Variants in PSG5 observed in about 807,000 individuals in gnomAD.
The protein encoded by PSG5 is pregnancy-specific beta-1-glycoprotein 5.
PSG5 carries 53 observed loss-of-function variants against 37.7 expected under a neutral mutation model. The ratio of observed to expected loss-of-function variants is 1.41; its 90% CI spans 1.13 to 1.77. The LOEUF (loss-of-function observed/expected upper bound fraction) is 1.77, where lower values mean the gene tolerates loss of function less well. Ranked by LOEUF, PSG5 falls within the 40% of genes most tolerant of loss-of-function variation. The pLI is 0.00. For missense variants in PSG5, 547 were observed against 405.2 expected (o/e 1.35, Z -3.00); for synonymous variants, 221 against 155.4 (o/e 1.42, Z -3.14).
chr19:43,172,235 A>C lies in PSG5; in HGVS notation c.965-2097T>G, dbSNP rs1000699945. ...ATGAAAACATCCTAAGAATAGAAGG[A>C]AACCACCTCAACATAAAGGCAATAT... On this transcript the variant is annotated intron_variant, in intron 4 of 5. Transcript: ENST00000342951. Among the ~76,000 whole-genome samples, 6 of 151,602 alleles carry C rather than the reference A, an allele frequency of 4.0e-5. 1 individual carries two copies. Among genetic ancestry groups the C allele is most frequent in the African/African-American group, 1.5e-4 (6 of 41,142 alleles).
At chr19:43,180,963 C>T (rs1225889655) in intron 2 of PSG5, among the ~76,000 whole-genome samples, 1 of 151,620 alleles carries the variant, frequency 6.6e-6, no homozygotes, top group Non-Finnish European at 1.5e-5. Context: ...ATGGGGAGGA[C>T]CCCAAAACAG....
chr19:43,183,179 C>G, intron 2 of PSG5: 1 of 267,240 alleles, frequency 3.7e-6, no homozygotes. Flanking sequence ...CCAGCTGCCC[C>G]CAGTTCCACA....
chr19:43,179,054 G>A (rs1969071843), intron 2 of PSG5: 2 of 1,612,604 alleles, frequency 1.2e-6, no homozygotes, highest in South Asian at 2.2e-5. Flanking sequence ...TCCACCACAG[G>A]TAGCTTGTGT....
Position 43,175,640 on chromosome 19 carries a change from T to G in PSG5, c.710-171A>C, listed in dbSNP as rs1441368352. On this transcript the variant is annotated intron_variant, in intron 3 of 5. Transcript: ENST00000342951. ...CTGAGGTATTCACCTGTTTCTCCCA[T>G]CACAAGCTATTGACACAAAGTCTCC... The G allele has an allele frequency of 2.2e-6, 3 of 1,393,820 alleles. No individual in the cohort carries two copies. In the South Asian group the frequency reaches 4.3e-5, roughly 20 times the overall value. The allele number at this position is 1,393,820 out of a possible 1,614,324, so 86.3% of individuals were successfully genotyped here. A position where few individuals can be genotyped will look rare whatever the true frequency, so the allele number is the denominator to read the frequency against.
At position 43,183,556 on chromosome 19, in the gene PSG5, T is replaced by C. The variant is rs1033821279; in HGVS notation, c.430+1226A>G. 34 of 497,646 alleles carry C rather than the reference T, an allele frequency of 6.8e-5. 1 individual carries two copies. The highest frequency in any genetic ancestry group is 6.4e-4 in the African/African-American group (32 of 49,852). The allele number at this position is 497,646 out of a possible 1,614,324, so 30.8% of individuals were successfully genotyped here. On this transcript the variant is annotated intron_variant, in intron 2 of 5. Transcript: ENST00000342951. ...ACTTTGGGAAACACAGGATTTCAGG[T>C]TCAGTGATGGGGGTTAAGATCTGAG...
chr19:43,179,575 G>T (rs148848674), intron 2 of PSG5, among the ~76,000 whole-genome samples: 4,787 of 151,690 alleles, frequency 0.032, 293 homozygotes, highest in African/African-American at 0.094. Flanking sequence ...AGCTTCCCTT[G>T]CCAAGGACAT....
intron 2 of PSG5, 76 bp downstream of exon 2, chr19:43,184,706 G>A (rs1413109896): frequency 1.2e-6 from 2 of 1,601,750 alleles, no homozygotes; most frequent in Admixed American, 1.7e-5. Flanking sequence ...CACAGTGCAG[G>A]CCTGACAATC....
chr19:43,175,143 C>T, intron 4 of PSG5, 72 bp downstream of exon 4: 1 of 1,610,328 alleles, frequency 6.2e-7, no homozygotes, highest in Non-Finnish European at 8.5e-7. Context: ...AAAATGTTTT[C>T]CTAACTCTTC....
chr19:43,176,255 C>A, intron 2 of PSG5, 107 bp from the exon 3 acceptor site: 1 of 1,525,686 alleles, frequency 6.6e-7, no homozygotes, highest in Non-Finnish European at 8.9e-7. Context: ...CACCAGAGTC[C>A]TTGAAAGCCA....
At chr19:43,176,836 A>T (rs1373986822) in intron 2 of PSG5, among the ~76,000 whole-genome samples, 1 of 150,856 alleles carries the variant, frequency 6.6e-6, no homozygotes. Context: ...AGTCAAGGGG[A>T]CAGGCAAGAG....
At chr19:43,184,021 T>A (rs1322098215) in intron 2 of PSG5, among the ~76,000 whole-genome samples, 3 of 151,778 alleles carry the variant, frequency 2.0e-5, no homozygotes, top group African/African-American at 7.3e-5. Context: ...TTTGCTTCCA[T>A]GAGAAAGCAC....
intron 4 of PSG5, chr19:43,171,150 A>G (rs1234469573): frequency 6.6e-6 from 1 of 151,602 alleles, no homozygotes; most frequent in Non-Finnish European, 1.5e-5. Context: ...ATCATGGTGT[A>G]AAAACTTTCC....
At position 43,185,121 on chromosome 19, in the gene PSG5, G is replaced by A. The variant is rs751340418; in HGVS notation, c.91C>T (p.Pro31Ser). The A allele has an allele frequency of 8.7e-6, 14 of 1,609,004 alleles. No homozygotes were observed. In the African/African-American group the frequency reaches 1.5e-4, roughly 17 times the overall value. Reference sequence around the variant, plus strand: ...TCAATCGTGACTTGAGCAGTGATAGGCAGGTTCCAGAAGTTTAAAAGTGAT... The same window carrying A: ...TCAATCGTGACTTGAGCAGTGATAGACAGGTTCCAGAAGTTTAAAAGTGAT... ...TASLLNFWNL[P>S]ITAQVTIEAL... Residue 31 changes from proline (P) to serine (S), a missense_variant, in exon 2 of 6, where the codon CCT (proline) becomes TCT (serine). Transcript: ENST00000342951.
In PSG5 at chr19:43,185,088, G is replaced by A; in HGVS notation, c.124C>T (p.Pro42Ser). 4 of 1,611,836 alleles carry A rather than the reference G, an allele frequency of 2.5e-6. No individual in the cohort carries two copies. The highest frequency in any genetic ancestry group is 3.4e-6 in the Non-Finnish European group (4 of 1,178,616). Residue 42 changes from proline to serine, a missense_variant, in exon 2 of 6, where the codon CCA (proline) becomes TCA (serine). Pro to Ser is a moderately conservative substitution (Grantham distance 74). Coordinates refer to ENST00000342951, the MANE Select transcript of PSG5 (RefSeq NM_002781.4). ...TCCTTCCCCTCGGAAACTTTGGGTGGCAGGGCTTCAATCGTGACTTGAGCA... is the reference window on the plus strand; with the variant it reads ...TCCTTCCCCTCGGAAACTTTGGGTGACAGGGCTTCAATCGTGACTTGAGCA... ...ITAQVTIEAL[P>S]PKVSEGKDVL...
At chr19:43,183,310 A>C (rs1335741053) in intron 2 of PSG5, 3 of 415,272 alleles carry the variant, frequency 7.2e-6, no homozygotes, top group Non-Finnish European at 1.5e-5. Context: ...TCAGCCTCTG[A>C]AGGACAAGGG....
At position 43,185,002 on chromosome 19, in the gene PSG5, T is replaced by C. The variant is rs767475461; in HGVS notation, c.210A>G (p.Gly70=). The change falls in exon 2 of 6, where the codon GGA becomes GGG. Residue 70 remains glycine, a synonymous_variant. Transcript: ENST00000342951. ...TGTAATGGTAGAGGTCCATCAGTTGTCCTTTGTACCAGATGTAGCCAGCAA... is the reference window on the plus strand; with the variant it reads ...TGTAATGGTAGAGGTCCATCAGTTGCCCTTTGTACCAGATGTAGCCAGCAA... The part of the protein sequence containing the change: ...QNLAGYIWYK[G]QLMDLYHYIT... 2.5e-6 allele frequency: 4 copies of C among 1,612,446 alleles called. No homozygotes were observed. The highest frequency in any genetic ancestry group is 3.3e-5 in the Admixed American group (2 of 59,862).
At chr19:43,175,762 G>A (rs1968995181) in intron 3 of PSG5, 108 bp downstream of exon 3, 2 of 1,554,798 alleles carry the variant, frequency 1.3e-6, no homozygotes, top group South Asian at 1.2e-5. Flanking sequence ...CAGATGTCCA[G>A]AAATAAAGGT....
At chr19:43,173,399 T>C (rs1968942926) in intron 4 of PSG5, among the ~76,000 whole-genome samples, 1 of 151,566 alleles carries the variant, frequency 6.6e-6, no homozygotes, top group East Asian at 1.9e-4. Context: ...AAGAACATTA[T>C]CAAGAAAGTA....
intron 2 of PSG5, among the ~76,000 whole-genome samples, chr19:43,183,977 G>A (rs1478782724): frequency 6.6e-6 from 1 of 151,702 alleles, no homozygotes; most frequent in Non-Finnish European, 1.5e-5. Context: ...GCTTGGCACA[G>A]TGGAGGTTTC....
Sources: allele counts gnomAD v4.1 joint callset (sites outside exome capture counted in the v4.1 genomes callset), GRCh38; gene constraint gnomAD v4.1.1; transcripts MANE v1.5; gene names NCBI Gene and HGNC (gene_info 2026-07-23, HGNC 2026-07-21).